Variants in ELMO1 observed in about 807,000 individuals in gnomAD.
ELMO1 encodes engulfment and cell motility protein 1.
ELMO1 carries 26 observed loss-of-function variants against 98.9 expected under a neutral mutation model. The ratio of observed to expected loss-of-function variants is 0.26; its 90% CI spans 0.19 to 0.36. ELMO1 has a LOEUF of 0.36. Among genes scored for constraint, ELMO1 ranks in the 10% least tolerant of loss-of-function variants. The pLI is 1.00. For missense variants in ELMO1, 627 were observed against 935.2 expected (o/e 0.67, Z 4.30); for synonymous variants, 346 against 346.0 (o/e 1.00, Z 0.00).
At chr7:36,976,989 A>G (rs1790608317) in intron 16 of ELMO1, among the ~76,000 whole-genome samples, 1 of 152,200 alleles carries the variant, frequency 6.6e-6, no homozygotes, top group Non-Finnish European at 1.5e-5. Flanking sequence ...ACACACTTGG[A>G]TTTGAACTTC....
At chr7:37,421,465 T>A (rs1045844327) in intron 1 of ELMO1, among the ~76,000 whole-genome samples, 3 of 152,214 alleles carry the variant, frequency 2.0e-5, no homozygotes, top group African/African-American at 7.2e-5. Context: ...AAGCCCCTTA[T>A]CAAAATATCA....
intron 1 of ELMO1, among the ~76,000 whole-genome samples, chr7:37,390,728 T>C (rs1803032944): frequency 6.6e-6 from 1 of 152,210 alleles, no homozygotes; most frequent in African/African-American, 2.4e-5. Context: ...GCTCCGCTCT[T>C]TGAGACTTAT....
chr7:37,417,878 A>T (rs1804296606), intron 1 of ELMO1, among the ~76,000 whole-genome samples: 1 of 152,154 alleles, frequency 6.6e-6, no homozygotes, highest in African/African-American at 2.4e-5. Flanking sequence ...AAAAACAGAC[A>T]CACAAGAAGG....
At chr7:36,869,228 T>C (rs956298929) in intron 20 of ELMO1, among the ~76,000 whole-genome samples, 2 of 147,588 alleles carry the variant, frequency 1.4e-5, no homozygotes, top group African/African-American at 5.1e-5. Flanking sequence ...TACATGACAA[T>C]GCTGTGATGG....
intron 16 of ELMO1, among the ~76,000 whole-genome samples, chr7:36,958,951 A>G (rs1213570300): frequency 6.6e-6 from 1 of 151,786 alleles, no homozygotes; most frequent in South Asian, 2.1e-4. Context: ...TGCTTTCTCT[A>G]TATCTGCACT....
chr7:36,894,771 G>C (rs1280089107), intron 17 of ELMO1, 83 bp downstream of exon 17: 1 of 1,567,892 alleles, frequency 6.4e-7, no homozygotes, highest in Non-Finnish European at 8.7e-7. Flanking sequence ...TCACAACACA[G>C]CCCAGCTTCA....
chr7:36,910,607 T>C (rs888776209), intron 16 of ELMO1, among the ~76,000 whole-genome samples: 4 of 152,208 alleles, frequency 2.6e-5, no homozygotes, highest in Non-Finnish European at 4.4e-5. Flanking sequence ...TCACTTGCCA[T>C]CTGTGTGTCC....
At chr7:37,236,456 G>A (rs1168410298) in intron 7 of ELMO1, among the ~76,000 whole-genome samples, 1 of 152,192 alleles carries the variant, frequency 6.6e-6, no homozygotes, top group East Asian at 1.9e-4. Flanking sequence ...AAGGTACTCA[G>A]AGGAAGGATA....
chr7:37,029,865 A>G (rs1488273869), intron 15 of ELMO1, among the ~76,000 whole-genome samples: 1 of 152,164 alleles, frequency 6.6e-6, no homozygotes, highest in African/African-American at 2.4e-5. Context: ...TAATGGGTGA[A>G]GATCTTTTTT....
rs1486547562 is a variant in ELMO1 at position 37,293,661 on chromosome 7, T to C, written c.192+21189A>G. ...TATCTGCTGACCTTCCCTCCACTAT[T>C]GTCCTGTGACCCTGCCAAATCCCCC... On this transcript the variant is annotated intron_variant, in intron 4 of 21. Transcript: ENST00000310758. Among the ~76,000 whole-genome samples, 3 of 98,526 alleles carry C rather than the reference T, an allele frequency of 3.0e-5. 1 individual carries two copies. Among genetic ancestry groups the C allele is most frequent in the Non-Finnish European group, 7.1e-5 (3 of 41,974 alleles). The allele number at this position is 98,526 out of a possible 152,430, so 64.6% of individuals were successfully genotyped here. A position where few individuals can be genotyped will look rare whatever the true frequency, so the allele number is the denominator to read the frequency against.
chr7:36,897,199 G>A lies in ELMO1; in HGVS notation c.1438-2182C>T, dbSNP rs115617471. Among the ~76,000 whole-genome samples the A allele has an allele frequency of 4.3e-3, 655 of 152,228 alleles. 8 individuals are homozygous for A. Among genetic ancestry groups the A allele is most frequent in the African/African-American group, 0.015 (638 of 41,536 alleles). On this transcript the variant is annotated intron_variant, in intron 16 of 21. Coordinates refer to ENST00000310758, the MANE Select transcript of ELMO1 (RefSeq NM_014800.11). ...ATCCTTCCCCAGACTTTTCTGCCAC[G>A]TCTTGAGGCAGACCTGAAGCATGCT...
chr7:37,137,281 T>C (rs1787328847), intron 13 of ELMO1, among the ~76,000 whole-genome samples: 1 of 152,128 alleles, frequency 6.6e-6, no homozygotes, highest in Non-Finnish European at 1.5e-5. Context: ...AAACAATTAC[T>C]ACTAGACCTA....
rs1208534221 is a variant in ELMO1, at chr7:37,216,557, A to C, written c.831+88T>G. On this transcript the variant is annotated intron_variant, in intron 11 of 21. Transcript: ENST00000310758. ...CACCACAGAAGGAAGTCACAGAACAAACCACAGACTGAAGCCAAAAGAAGA... is the reference window on the plus strand; with the variant it reads ...CACCACAGAAGGAAGTCACAGAACACACCACAGACTGAAGCCAAAAGAAGA... 6.7e-6 allele frequency: 10 copies of C among 1,489,856 alleles called. No individual in the cohort carries two copies. The African/African-American group carries it at 6.9e-5, about 10-fold the overall frequency. 92.3% of individuals were successfully genotyped at this position (1,489,856 alleles called of 1,614,324 possible).
intron 16 of ELMO1, among the ~76,000 whole-genome samples, chr7:36,936,890 T>G (rs539721847): frequency 2.6e-5 from 4 of 152,346 alleles, no homozygotes; most frequent in South Asian, 4.1e-4. Context: ...GGATTAAGTA[T>G]AGAGTAAGCA....
At chr7:36,934,785 A>G (rs1786365842) in intron 16 of ELMO1, among the ~76,000 whole-genome samples, 1 of 152,340 alleles carries the variant, frequency 6.6e-6, no homozygotes, top group African/African-American at 2.4e-5. Flanking sequence ...GCTAAGGGCC[A>G]GAGAAATTCT....
Position 37,190,585 on chromosome 7 carries a change from C to T in ELMO1, c.1086+20801G>A, listed in dbSNP as rs186276868. ...TGATCTTGGCTCACTGCAACCTCTGCCTCCAGGGTTCAAGTGATTCTCCTG... is the reference window on the plus strand; with the variant it reads ...TGATCTTGGCTCACTGCAACCTCTGTCTCCAGGGTTCAAGTGATTCTCCTG... On this transcript the variant is annotated intron_variant, in intron 13 of 21. Transcript: ENST00000310758. 9.2e-5 allele frequency among the ~76,000 whole-genome samples: 14 copies of T among 152,264 alleles called. No individual in the cohort carries two copies. In the East Asian group the frequency reaches 2.5e-3, roughly 27 times the overall value.
At chr7:36,886,113 G>A (rs950878509) in intron 18 of ELMO1, among the ~76,000 whole-genome samples, 4 of 152,172 alleles carry the variant, frequency 2.6e-5, no homozygotes, top group Non-Finnish European at 5.9e-5. Flanking sequence ...TGCAAGGAAC[G>A]CGATGAGAGG....
intron 18 of ELMO1, among the ~76,000 whole-genome samples, chr7:36,884,085 G>C (rs962158624): frequency 6.6e-6 from 1 of 152,082 alleles, no homozygotes; most frequent in East Asian, 1.9e-4. Flanking sequence ...ACTTTGGGAG[G>C]CAAGGCAAGT....
intron 15 of ELMO1, among the ~76,000 whole-genome samples, chr7:37,088,658 T>G (rs971325950): frequency 6.6e-6 from 1 of 152,222 alleles, no homozygotes; most frequent in Non-Finnish European, 1.5e-5. Flanking sequence ...GTATCAACTA[T>G]GCCTATCACA....
Sources: gnomAD v4.1 joint callset for allele counts (sites outside exome capture counted in the v4.1 genomes callset) on GRCh38, gnomAD v4.1.1 for gene constraint, MANE v1.5 for transcripts, NCBI Gene and HGNC (gene_info 2026-07-23, HGNC 2026-07-21) for gene names.